CARMIL1: variants seen among roughly 807,000 people sequenced by gnomAD.
CARMIL1 encodes capping protein regulator and myosin 1 linker 1.
Under a neutral mutation model 177.1 loss-of-function variants are expected in CARMIL1, and 90 were observed. The ratio of observed to expected loss-of-function variants is 0.51; its 90% CI spans 0.43 to 0.61. The LOEUF is 0.61. Among genes scored for constraint, CARMIL1 ranks in the 20% least tolerant of loss-of-function variants. CARMIL1 has a pLI of 0.00. For synonymous variants in CARMIL1, 577 were observed against 606.2 expected, an observed-to-expected ratio of 0.95 and a Z score of 0.71; for missense variants, 1,380 against 1,667.0, an observed-to-expected ratio of 0.83 and a Z score of 3.00.
chr6:25,447,037 A>G (rs1798301670), intron 5 of CARMIL1, among the ~76,000 whole-genome samples: 1 of 152,196 alleles, frequency 6.6e-6, no homozygotes, highest in African/African-American at 2.4e-5. Flanking sequence ...ACGTCACCAA[A>G]ACAGATATTA....
In CARMIL1 at chr6:25,590,775, C is replaced by T. The variant is rs377699496; in HGVS notation, c.3007-3640C>T. 3.3e-5 allele frequency among the ~76,000 whole-genome samples: 5 copies of T among 152,052 alleles called. 1 individual carries two copies. The East Asian group carries it at 7.7e-4, about 23-fold the overall frequency. The stretch of plus-strand genomic sequence containing the variant: ...TGTTCATTTAATTGTTTATAGAATT[C>T]GTTTAAGTTTTTAATTTCTTATACT... On this transcript the variant is annotated intron_variant, in intron 31 of 36. Transcript: ENST00000329474.
intron 2 of CARMIL1, among the ~76,000 whole-genome samples, chr6:25,402,016 A>G (rs1256313611): frequency 6.7e-6 from 1 of 149,376 alleles, no homozygotes; most frequent in Admixed American, 6.6e-5. Flanking sequence ...ATTTTCAATT[A>G]ATTTCCCTTT....
intron 29 of CARMIL1, among the ~76,000 whole-genome samples, chr6:25,579,713 A>G (rs1812956904): frequency 6.6e-6 from 1 of 152,206 alleles, no homozygotes; most frequent in Admixed American, 6.5e-5. Context: ...GTATTTTAGG[A>G]AAACCAGTCT....
intron 29 of CARMIL1, among the ~76,000 whole-genome samples, chr6:25,580,263 TTC>T (rs1302960340): frequency 6.6e-6 from 1 of 152,220 alleles, no homozygotes; most frequent in Non-Finnish European, 1.5e-5. Context: ...GATAGTGCCT[TTC>T]TGAGGGTTGG....
At chr6:25,425,434 C>G (rs1485707678) in intron 3 of CARMIL1, among the ~76,000 whole-genome samples, 1 of 152,090 alleles carries the variant, frequency 6.6e-6, no homozygotes, top group Admixed American at 6.6e-5. Context: ...ATTTATTCTA[C>G]CAACGTATCA....
intron 31 of CARMIL1, among the ~76,000 whole-genome samples, chr6:25,583,941 G>C (rs1021467687): frequency 6.6e-6 from 1 of 151,174 alleles, no homozygotes; most frequent in African/African-American, 2.4e-5. Context: ...ACTTGTCTGC[G>C]AAATGGCTTA....
chr6:25,387,374 A>T (rs1792289225), intron 2 of CARMIL1, among the ~76,000 whole-genome samples: 2 of 152,218 alleles, frequency 1.3e-5, no homozygotes, highest in Admixed American at 6.5e-5. Flanking sequence ...ATATGCAGAG[A>T]TATAAAAGTC....
intron 2 of CARMIL1, among the ~76,000 whole-genome samples, chr6:25,409,903 A>G (rs1029653381): frequency 6.6e-6 from 1 of 152,130 alleles, no homozygotes; most frequent in Non-Finnish European, 1.5e-5. Flanking sequence ...CTACCCACCA[A>G]TGGGTTGTAG....
At chr6:25,541,894 A>G (rs1429110322) in intron 26 of CARMIL1, among the ~76,000 whole-genome samples, 1 of 152,138 alleles carries the variant, frequency 6.6e-6, no homozygotes, top group African/African-American at 2.4e-5. Context: ...CGTCAGCTCA[A>G]GTGATTTGCT....
intron 23 of CARMIL1, among the ~76,000 whole-genome samples, chr6:25,521,694 G>A (rs529372983): frequency 2.6e-5 from 4 of 151,626 alleles, no homozygotes; most frequent in Admixed American, 6.6e-5. Context: ...GCGTGAACCC[G>A]GGAGACGGAG....
intron 29 of CARMIL1, among the ~76,000 whole-genome samples, chr6:25,562,919 A>G (rs1488287023): frequency 6.6e-6 from 1 of 152,266 alleles, no homozygotes; most frequent in Non-Finnish European, 1.5e-5. Flanking sequence ...TCATTATAAA[A>G]GGTAATTTTG....
At chr6:25,284,008 G>A (rs1479676326) in intron 1 of CARMIL1, among the ~76,000 whole-genome samples, 3 of 152,014 alleles carry the variant, frequency 2.0e-5, no homozygotes, top group East Asian at 1.9e-4. Context: ...GTGAGCCAAC[G>A]TGCCCAGCCC....
At chr6:25,589,784 G>A (rs141785207) in intron 31 of CARMIL1, among the ~76,000 whole-genome samples, 5 of 152,230 alleles carry the variant, frequency 3.3e-5, no homozygotes, top group East Asian at 3.9e-4. Context: ...CACCACACCC[G>A]GCCCATTGCT....
At chr6:25,298,327 C>G (rs1020256019) in intron 2 of CARMIL1, among the ~76,000 whole-genome samples, 3 of 152,112 alleles carry the variant, frequency 2.0e-5, no homozygotes, top group African/African-American at 7.2e-5. Context: ...TCTTCCTGGC[C>G]CTGTACAAGG....
chr6:25,565,910 A>G (rs1439627512), intron 29 of CARMIL1, among the ~76,000 whole-genome samples: 3 of 152,230 alleles, frequency 2.0e-5, no homozygotes. Flanking sequence ...GACATCTCCA[A>G]TTAGCTGTTC....
chr6:25,405,311 A>AT (rs1322836496), intron 2 of CARMIL1, among the ~76,000 whole-genome samples: 4 of 152,108 alleles, frequency 2.6e-5, no homozygotes, highest in Non-Finnish European at 5.9e-5. Flanking sequence ...TATGTTTGAG[A>AT]TTTTTTATTC....
Position 25,551,089 on chromosome 6 carries a change from G to A in CARMIL1, c.2504+4G>A, listed in dbSNP as rs752251478. The stretch of plus-strand genomic sequence containing the variant: ...TTGATATCCTTAACAAAATTAGGTA[G>A]GTTTATAATGTTAATAAACCTAGGA... On this transcript the variant is annotated splice_donor_region_variant and intron_variant, in intron 27 of 36. Transcript: ENST00000329474. 2.3e-5 allele frequency: 37 copies of A among 1,609,050 alleles called. No individual in the cohort carries two copies. In the East Asian group the frequency reaches 8.0e-4, roughly 35 times the overall value.
Position 25,326,234 on chromosome 6 carries a change from TGAA to T in CARMIL1, c.138+41328_138+41330del, listed in dbSNP as rs552305585. 4.4e-3 allele frequency among the ~76,000 whole-genome samples: 673 copies of T among 152,286 alleles called. 8 individuals are homozygous for T. Among genetic ancestry groups the T allele is most frequent in the African/African-American group, 0.015 (621 of 41,540 alleles). On this transcript the variant is annotated intron_variant, in intron 2 of 36. Coordinates refer to ENST00000329474, the MANE Select transcript of CARMIL1 (RefSeq NM_017640.6). The surrounding 1 kb of genome is among the most constrained non-coding windows in gnomAD (Gnocchi z 4.2). ...CTGAAGGAAAATAGTGCCAGCCATT[TGAA>T]GAGTGAGGGAAAGGGGTTTCCAGGC...
intron 11 of CARMIL1, among the ~76,000 whole-genome samples, chr6:25,475,363 T>G (rs1801454557): frequency 6.6e-6 from 1 of 150,606 alleles, no homozygotes; most frequent in Admixed American, 6.6e-5. Context: ...ATCGAGCCAC[T>G]GCATTCTAGC....
Sources: allele counts gnomAD v4.1 joint callset (sites outside exome capture counted in the v4.1 genomes callset), GRCh38; gene constraint gnomAD v4.1.1; non-coding constraint Gnocchi (gnomAD v3.1); transcripts MANE v1.5; gene names NCBI Gene and HGNC (gene_info 2026-07-23, HGNC 2026-07-21).